The following PPP1R21 variants were observed in gnomAD, a reference collection of about 807,000 sequenced individuals.
The protein encoded by PPP1R21 is protein phosphatase 1 regulatory subunit 21, also known as KLRAQ motif containing 1.
Under a neutral mutation model 112.8 loss-of-function variants are expected in PPP1R21, and 85 were observed. The observed-to-expected ratio is 0.75, with a 90% CI of 0.63 to 0.90. The LOEUF (loss-of-function observed/expected upper bound fraction) is 0.90, where lower values mean the gene tolerates loss of function less well. PPP1R21 is among the 40% of genes least tolerant of loss of function. The pLI is 0.00. For missense variants in PPP1R21, 1,199 were observed against 901.5 expected, an observed-to-expected ratio of 1.33 and a Z score of -4.23; for synonymous variants, 381 against 322.3, an observed-to-expected ratio of 1.18 and a Z score of -1.95.
At chr2:48,495,494 G>T (rs1040923416) in intron 15 of PPP1R21, among the ~76,000 whole-genome samples, 185 bp from the exon 16 acceptor site, 1 of 152,130 alleles carries the variant, frequency 6.6e-6, no homozygotes, top group Non-Finnish European at 1.5e-5. Context: ...GAGCCACCGC[G>T]CCCAGGCTAT....
Position 48,454,724 on chromosome 2 carries a change from C to G in PPP1R21, c.256C>G (p.Arg86Gly). The change falls in exon 3 of 22, where the codon CGA (arginine) becomes GGA (glycine). Residue 86 changes from arginine to glycine, a missense_variant. Physicochemically the swap from Arg to Gly is moderately radical, Grantham distance 125. Transcript: ENST00000294952. Reference sequence around the variant, plus strand: ...AGATGAACTAGCTCTAAGTGAACCACGAGGCAAGAAAAACAAGGTAGGTTC... The same window carrying G: ...AGATGAACTAGCTCTAAGTGAACCAGGAGGCAAGAAAAACAAGGTAGGTTC... ...LQDELALSEP[R>G]GKKNKKSGES... 1 of 1,613,844 alleles carries G rather than the reference C, an allele frequency of 6.2e-7. No homozygotes were observed. The highest frequency in any genetic ancestry group is 8.5e-7 in the Non-Finnish European group (1 of 1,179,850).
intron 19 of PPP1R21, among the ~76,000 whole-genome samples, chr2:48,509,093 A>G (rs1436760950): frequency 1.4e-5 from 2 of 138,468 alleles, no homozygotes; most frequent in Non-Finnish European, 3.2e-5. Flanking sequence ...CAATATTGTG[A>G]AATAGGATTT....
chr2:48,445,784 C>T (rs1250485972), intron 1 of PPP1R21, among the ~76,000 whole-genome samples: 2 of 151,902 alleles, frequency 1.3e-5, no homozygotes, highest in East Asian at 3.8e-4. Flanking sequence ...CAAAGTAACC[C>T]TAGCTACTGC....
intron 1 of PPP1R21, among the ~76,000 whole-genome samples, chr2:48,450,074 G>T (rs572155662): frequency 1.3e-5 from 2 of 152,128 alleles, no homozygotes; most frequent in South Asian, 4.1e-4. Context: ...ATTTAAAATA[G>T]CGTTATTTCT....
chr2:48,461,291 A>T, intron 7 of PPP1R21, 59 bp downstream of exon 7: 1 of 1,445,116 alleles, frequency 6.9e-7, no homozygotes, highest in Non-Finnish European at 9.1e-7. Flanking sequence ...GTGGTAGCCA[A>T]CTAATTAAAG....
chr2:48,474,351 C>T (rs538841557), intron 11 of PPP1R21, among the ~76,000 whole-genome samples: 7 of 152,142 alleles, frequency 4.6e-5, no homozygotes, highest in East Asian at 1.9e-4. Context: ...CCACTGTACT[C>T]GAATCTGGAG....
rs762889097 is a variant in PPP1R21, at chr2:48,485,484, G to C, written c.1319-1147G>C. 3.3e-5 allele frequency among the ~76,000 whole-genome samples: 5 copies of C among 152,094 alleles called. No individual in the cohort carries two copies. In the East Asian group the frequency reaches 9.7e-4, roughly 29 times the overall value. ...GTACCATAGTAATATGTTAACAGTA[G>C]GAAAAATTGGCTAAAGGGTGTAATG... On this transcript the variant is annotated intron_variant, in intron 13 of 21. Transcript: ENST00000294952.
intron 13 of PPP1R21, among the ~76,000 whole-genome samples, chr2:48,482,763 C>T (rs191926106): frequency 5.5e-5 from 8 of 144,874 alleles, no homozygotes; most frequent in Admixed American, 1.4e-4. Context: ...TACACATCAT[C>T]AGATGACTTT....
At chr2:48,450,486 C>G (rs1478371355) in intron 1 of PPP1R21, among the ~76,000 whole-genome samples, 1 of 152,216 alleles carries the variant, frequency 6.6e-6, no homozygotes, top group African/African-American at 2.4e-5. Context: ...CCAGCTGATG[C>G]CCGAGGCCAT....
intron 1 of PPP1R21, among the ~76,000 whole-genome samples, chr2:48,448,324 T>C (rs1268631041): frequency 2.6e-5 from 4 of 152,244 alleles, no homozygotes; most frequent in Non-Finnish European, 5.9e-5. Context: ...CTAACAGCAA[T>C]AGCTTGAAAG....
At chr2:48,468,859 A>G (rs200221966) in intron 9 of PPP1R21, among the ~76,000 whole-genome samples, 49 of 50,074 alleles carry the variant, frequency 9.8e-4, no homozygotes, top group African/African-American at 2.1e-3. Context: ...GTGTGTGTGT[A>G]TGTATATATG....
intron 12 of PPP1R21, among the ~76,000 whole-genome samples, chr2:48,479,170 C>T (rs1668891548): frequency 6.6e-6 from 1 of 152,100 alleles, no homozygotes; most frequent in South Asian, 2.1e-4. Context: ...AGAAGGGGAA[C>T]GTTCCCCGCC....
intron 1 of PPP1R21, among the ~76,000 whole-genome samples, chr2:48,445,272 C>T (rs75813531): frequency 0.03 from 4,606 of 151,198 alleles, 203 homozygotes; most frequent in East Asian, 0.13. Flanking sequence ...TCTGTGCTGT[C>T]CAGCAGGGTA....
chr2:48,454,475 C>G, intron 2 of PPP1R21, 120 bp from the exon 3 acceptor site: 1 of 1,253,844 alleles, frequency 8.0e-7, no homozygotes, highest in African/African-American at 1.5e-5. Flanking sequence ...CACATACAAC[C>G]TGAATTTCCT....
chr2:48,444,040 GA>G (rs149203939), intron 1 of PPP1R21, among the ~76,000 whole-genome samples: 4 of 148,294 alleles, frequency 2.7e-5, no homozygotes, highest in East Asian at 2.0e-4. Flanking sequence ...TGAAAAGGAA[GA>G]AAAAAAAAAC....
rs1162333931 is a variant in PPP1R21, at chr2:48,508,103, C to T, written c.2085+718C>T. Among the ~76,000 whole-genome samples, 4 of 151,332 alleles carry T rather than the reference C, an allele frequency of 2.6e-5. No homozygotes were observed. The South Asian group carries it at 8.4e-4, about 32-fold the overall frequency. ...TAAAAAAAAAAAAAAAGTTATTGCA[C>T]TATGCAGTATCATCTATAAAATTAT... is the stretch of plus-strand genomic sequence containing the variant. On this transcript the variant is annotated intron_variant, in intron 19 of 21. Coordinates refer to ENST00000294952, the MANE Select transcript of PPP1R21 (RefSeq NM_001135629.3).
chr2:48,453,422 G>T (rs765938671), intron 2 of PPP1R21, among the ~76,000 whole-genome samples: 2 of 151,520 alleles, frequency 1.3e-5, no homozygotes, highest in Non-Finnish European at 2.9e-5. Flanking sequence ...CCAGCTTTTG[G>T]GCTTAAGCAG....
At chr2:48,444,981 A>G (rs1232786018) in intron 1 of PPP1R21, among the ~76,000 whole-genome samples, 1 of 150,610 alleles carries the variant, frequency 6.6e-6, no homozygotes, top group Non-Finnish European at 1.5e-5. Flanking sequence ...TTAGACTTAT[A>G]CTCTTAGTAC....
At chr2:48,453,861 A>G (rs1294956899) in intron 2 of PPP1R21, among the ~76,000 whole-genome samples, 1 of 152,224 alleles carries the variant, frequency 6.6e-6, no homozygotes, top group Non-Finnish European at 1.5e-5. Context: ...ATTTTGACTA[A>G]TTTAAATTCA....
Sources: allele counts gnomAD v4.1 joint callset (sites outside exome capture counted in the v4.1 genomes callset), GRCh38; gene constraint gnomAD v4.1.1; transcripts MANE v1.5; gene names NCBI Gene and HGNC (gene_info 2026-07-23, HGNC 2026-07-21).